Variants in TBC1D19 observed in about 807,000 individuals in gnomAD.
TBC1D19 encodes TBC1 domain family, member 19.
A neutral mutation model predicts 89.0 loss-of-function variants in TBC1D19; 60 were observed. The observed-to-expected ratio is 0.67, with a 90% confidence interval of 0.55 to 0.84. The LOEUF is 0.84. TBC1D19 is among the 40% of genes least tolerant of loss of function. The pLI, the probability that TBC1D19 is intolerant of heterozygous loss-of-function variation, is 0.00. For missense variants in TBC1D19, 500 were observed against 610.8 expected, an observed-to-expected ratio of 0.82 and a Z score of 1.91; for synonymous variants, 189 against 199.7, an observed-to-expected ratio of 0.95 and a Z score of 0.45.
At chr4:26,606,388 G>A (rs543529455) in intron 1 of TBC1D19, among the ~76,000 whole-genome samples, 1 of 152,250 alleles carries the variant, frequency 6.6e-6, no homozygotes, top group East Asian at 1.9e-4. Context: ...AGCCTTCAGA[G>A]AAGACCCAAT....
chr4:26,588,875 G>A (rs183743283), intron 1 of TBC1D19, among the ~76,000 whole-genome samples: 1 of 152,266 alleles, frequency 6.6e-6, no homozygotes, highest in Admixed American at 6.5e-5. Flanking sequence ...TGTCAATTAG[G>A]TCTAGTAGGC....
chr4:26,607,509 C>G (rs1241611879), intron 1 of TBC1D19, among the ~76,000 whole-genome samples: 1 of 152,138 alleles, frequency 6.6e-6, no homozygotes, highest in Non-Finnish European at 1.5e-5. Context: ...GGTTAAGTGA[C>G]TTGAACAAGC....
chr4:26,698,334 T>G (rs1714996096), intron 13 of TBC1D19, among the ~76,000 whole-genome samples: 2 of 152,128 alleles, frequency 1.3e-5, no homozygotes, highest in African/African-American at 4.8e-5. Context: ...CAAGGAGAAC[T>G]ACAAACCACT....
chr4:26,767,747 A>G, the TBC1D19 span, among the ~76,000 whole-genome samples: 3 of 152,200 alleles, frequency 2.0e-5, no homozygotes, highest in Non-Finnish European at 2.9e-5. Flanking sequence ...AGCAGCTTGC[A>G]CTGATTAAGA....
At chr4:26,810,335 TC>T in the TBC1D19 span, among the ~76,000 whole-genome samples, 2 of 152,204 alleles carry the variant, frequency 1.3e-5, no homozygotes, top group Admixed American at 1.3e-4. Context: ...CTGTGGGAAC[TC>T]AACCTCAGAT....
chr4:26,602,595 C>G (rs994237361), intron 1 of TBC1D19, among the ~76,000 whole-genome samples: 1 of 151,992 alleles, frequency 6.6e-6, no homozygotes, highest in African/African-American at 2.4e-5. Flanking sequence ...CGCCCGCCAC[C>G]ATGCCCAACT....
the TBC1D19 span, among the ~76,000 whole-genome samples, chr4:26,807,075 C>T: frequency 2.6e-5 from 4 of 152,172 alleles, no homozygotes; most frequent in Non-Finnish European, 4.4e-5. Flanking sequence ...CCCCTTCCCA[C>T]GGCACTCTCT....
the TBC1D19 span, among the ~76,000 whole-genome samples, chr4:26,772,986 T>C: frequency 3.9e-5 from 6 of 152,346 alleles, no homozygotes; most frequent in Middle Eastern, 3.4e-3. Flanking sequence ...TACCCAGTAA[T>C]GGGATTGCTA....
the TBC1D19 span, among the ~76,000 whole-genome samples, chr4:26,829,929 G>C: frequency 6.6e-6 from 1 of 152,296 alleles, no homozygotes; most frequent in Non-Finnish European, 1.5e-5. Flanking sequence ...GCTCTCCAGT[G>C]GGGAGGCATC....
At chr4:26,704,889 TAC>T (rs1207432321) in intron 13 of TBC1D19, among the ~76,000 whole-genome samples, 1 of 152,178 alleles carries the variant, frequency 6.6e-6, no homozygotes, top group African/African-American at 2.4e-5. Context: ...AACAATAGTG[TAC>T]AAAGTTTCCA....
At position 26,697,228 on chromosome 4, in the gene TBC1D19, C is replaced by T. The variant is rs867929144; in HGVS notation, c.954+8821C>T. Among the ~76,000 whole-genome samples, 6 of 152,146 alleles carry T rather than the reference C, an allele frequency of 3.9e-5. No homozygotes were observed. The South Asian group carries it at 8.3e-4, about 21-fold the overall frequency. On this transcript the variant is annotated intron_variant, in intron 13 of 20. Coordinates refer to ENST00000264866, the MANE Select transcript of TBC1D19 (RefSeq NM_018317.4). Reference sequence around the variant, plus strand: ...CTACCATCAGAGAATACTATAAACACCTCTATGCAAACAAACTAGAAAATC... The same window carrying T: ...CTACCATCAGAGAATACTATAAACATCTCTATGCAAACAAACTAGAAAATC...
At chr4:26,702,239 T>C (rs1577958218) in intron 13 of TBC1D19, 1 of 152,294 alleles carries the variant, frequency 6.6e-6, no homozygotes, top group South Asian at 2.1e-4. Context: ...TAAGAAAACT[T>C]ATAAGTAACT....
chr4:26,847,964 G>A, the TBC1D19 span, among the ~76,000 whole-genome samples: 1 of 152,204 alleles, frequency 6.6e-6, no homozygotes, highest in East Asian at 1.9e-4. Context: ...ATGTGAATTT[G>A]AGATGCTAAT....
chr4:26,712,961 G>T (rs1359041589), intron 13 of TBC1D19, among the ~76,000 whole-genome samples: 1 of 151,982 alleles, frequency 6.6e-6, no homozygotes, highest in Admixed American at 6.6e-5. Context: ...TATCCAAACT[G>T]GTAGCACACA....
chr4:26,812,830 GTA>G, the TBC1D19 span, among the ~76,000 whole-genome samples: 69,428 of 150,268 alleles, frequency 0.46, 17,427 homozygotes, highest in African/African-American at 0.66. The surrounding 1 kb of genome is among the most constrained non-coding windows in gnomAD (Gnocchi z 4.2). Context: ...GTCTATATAT[GTA>G]TATATATGTA....
intron 13 of TBC1D19, among the ~76,000 whole-genome samples, chr4:26,702,736 C>T (rs1715433370): frequency 6.6e-6 from 1 of 152,090 alleles, no homozygotes; most frequent in Non-Finnish European, 1.5e-5. Flanking sequence ...AAGGTCTATC[C>T]TCTTAATACC....
intron 1 of TBC1D19, among the ~76,000 whole-genome samples, chr4:26,593,091 C>G (rs1739933089): frequency 6.6e-6 from 1 of 152,226 alleles, no homozygotes; most frequent in Admixed American, 6.5e-5. Context: ...TCAAACTATA[C>G]TACAAGGCTA....
In TBC1D19 at chr4:26,676,577, G is replaced by A. The variant is rs189972197; in HGVS notation, c.816+2689G>A. Reference sequence around the variant, plus strand: ...TACTAAAAATACAAAAAATTAGCCAGGCATGGTAGTGCATGCCTGTAATCC... The same window carrying A: ...TACTAAAAATACAAAAAATTAGCCAAGCATGGTAGTGCATGCCTGTAATCC... On this transcript the variant is annotated intron_variant, in intron 11 of 20. Transcript: ENST00000264866. Among the ~76,000 whole-genome samples, 297 of 152,120 alleles carry A rather than the reference G, an allele frequency of 2.0e-3. 4 individuals carry two copies. Among genetic ancestry groups the A allele is most frequent in the African/African-American group, 7.1e-3 (293 of 41,504 alleles).
the TBC1D19 span, among the ~76,000 whole-genome samples, chr4:26,777,212 G>A: frequency 6.7e-6 from 1 of 148,456 alleles, no homozygotes. Flanking sequence ...TTGGCTCACT[G>A]CAACCTCTGC....
Sources: allele counts gnomAD v4.1 joint callset (sites outside exome capture counted in the v4.1 genomes callset), GRCh38; gene constraint gnomAD v4.1.1; non-coding constraint Gnocchi (gnomAD v3.1); transcripts MANE v1.5; gene names NCBI Gene and HGNC (gene_info 2026-07-23, HGNC 2026-07-21).